The following CNTNAP2 variants were observed in gnomAD, a reference collection of about 807,000 sequenced individuals.
CNTNAP2 encodes the protein contactin-associated protein-like 2.
In CNTNAP2, 98 loss-of-function variants were observed where a neutral mutation model predicts 155.2. The observed-to-expected ratio is 0.63, with a 90% CI of 0.54 to 0.75. CNTNAP2 has a LOEUF of 0.75. Ranked by LOEUF, CNTNAP2 falls within the 30% of genes least tolerant of loss-of-function variation. The probability of loss-of-function intolerance (pLI) is 0.00; values close to 1 mark genes in which losing one functional copy is unlikely to be tolerated. For synonymous variants in CNTNAP2, 651 were observed against 631.2 expected (o/e 1.03, Z -0.47); for missense variants, 1,727 against 1,688.1 (o/e 1.02, Z -0.40).
intron 17 of CNTNAP2, among the ~76,000 whole-genome samples, chr7:148,163,659 G>A (rs1211667420): frequency 6.6e-6 from 1 of 152,118 alleles, no homozygotes; most frequent in Non-Finnish European, 1.5e-5. Flanking sequence ...TTATGAATGA[G>A]CACTCATGAG....
At position 148,338,110 on chromosome 7, in the gene CNTNAP2, CCT is replaced by C. The variant is rs113596489; in HGVS notation, c.3476-45538_3476-45537del. Among the ~76,000 whole-genome samples the C allele has an allele frequency of 4.6e-3, 695 of 152,214 alleles. 10 individuals are homozygous for C. Among genetic ancestry groups the C allele is most frequent in the African/African-American group, 0.016 (656 of 41,516 alleles). On this transcript the variant is annotated intron_variant, in intron 21 of 23. Transcript: ENST00000361727. ...TCCCCCTCATCCTGTACTTCCAGCC[CCT>C]GAGAGCCACTTATCTGATTTCTGTC...
intron 3 of CNTNAP2, among the ~76,000 whole-genome samples, chr7:147,020,330 T>C (rs991224839): frequency 1.3e-5 from 2 of 152,200 alleles, no homozygotes; most frequent in Non-Finnish European, 2.9e-5. Flanking sequence ...GGATTTTGAA[T>C]GCCTAATTAG....
chr7:147,002,408 A>G (rs937971258), intron 3 of CNTNAP2, among the ~76,000 whole-genome samples: 7 of 152,086 alleles, frequency 4.6e-5, no homozygotes, highest in African/African-American at 1.7e-4. Flanking sequence ...AAGCTAGAAG[A>G]TAATCCAGTT....
At chr7:146,301,867 T>G (rs1375948332) in intron 1 of CNTNAP2, among the ~76,000 whole-genome samples, 24 of 152,148 alleles carry the variant, frequency 1.6e-4, no homozygotes. Flanking sequence ...AGGTTGATGG[T>G]AAACCTCTTG....
rs187179626 is a variant in CNTNAP2 at position 147,714,964 on chromosome 7, C to A, written c.2098+75658C>A. Among the ~76,000 whole-genome samples the A allele has an allele frequency of 1.5e-4, 23 of 152,064 alleles. No individual in the cohort carries two copies. The East Asian group carries it at 4.3e-3, about 28-fold the overall frequency. The stretch of plus-strand genomic sequence containing the variant: ...ATGTATTCTTTTAAGATTTTTTTCA[C>A]CCAGCAAATTTTTTTGAGGTTCACG... On this transcript the variant is annotated intron_variant, in intron 13 of 23. Coordinates refer to ENST00000361727, the MANE Select transcript of CNTNAP2 (RefSeq NM_014141.6).
At chr7:147,101,472 G>A (rs1800651020) in intron 4 of CNTNAP2, among the ~76,000 whole-genome samples, 2 of 152,100 alleles carry the variant, frequency 1.3e-5, no homozygotes, top group Admixed American at 6.5e-5. Context: ...TGCCATCTGT[G>A]GATGGTTAAG....
In CNTNAP2 at chr7:148,402,999, A is replaced by G. The variant is rs1422441091; in HGVS notation, c.3716-6392A>G. On this transcript the variant is annotated intron_variant, in intron 22 of 23. Transcript: ENST00000361727. ...TTTTGAAACTTAGTAAATAAGAACC[A>G]CAACCACCAAATTTATCTTCTGTAG... Among the ~76,000 whole-genome samples, 10 of 150,220 alleles carry G rather than the reference A, an allele frequency of 6.7e-5. No individual in the cohort carries two copies. In the East Asian group the frequency reaches 1.9e-3, roughly 29 times the overall value.
intron 1 of CNTNAP2, among the ~76,000 whole-genome samples, chr7:146,159,781 A>T (rs1400523387): frequency 6.6e-6 from 1 of 152,152 alleles, no homozygotes; most frequent in Non-Finnish European, 1.5e-5. Context: ...ACTCCCACAC[A>T]ATAATTATGG....
chr7:146,721,456 A>ATAT (rs1378749097), intron 1 of CNTNAP2, among the ~76,000 whole-genome samples: 4 of 127,240 alleles, frequency 3.1e-5, no homozygotes, highest in African/African-American at 1.3e-4. Flanking sequence ...CATTCTATAT[A>ATAT]CATTTTATAT....
chr7:146,268,251 T>C (rs757642787), intron 1 of CNTNAP2, among the ~76,000 whole-genome samples: 3 of 152,178 alleles, frequency 2.0e-5, no homozygotes, highest in Non-Finnish European at 4.4e-5. Flanking sequence ...GTCTGTGGTG[T>C]TTATCGTAGT....
At chr7:147,279,183 A>G (rs1804971913) in intron 8 of CNTNAP2, among the ~76,000 whole-genome samples, 2 of 151,660 alleles carry the variant, frequency 1.3e-5, no homozygotes, top group Non-Finnish European at 3.0e-5. Flanking sequence ...ATAATGCACT[A>G]AAATTTTCTG....
rs1196910226 is a variant in CNTNAP2, at chr7:146,731,126, A to G, written c.98-43145A>G. Among the ~76,000 whole-genome samples the G allele has an allele frequency of 2.0e-5, 3 of 152,308 alleles. No individual in the cohort carries two copies. The East Asian group carries it at 5.8e-4, about 29-fold the overall frequency. ...ATGATGTACCAAAAGTCAAATCACT[A>G]GTGAATGGCAACTGAGACTGAAATC... On this transcript the variant is annotated intron_variant, in intron 1 of 23. Coordinates refer to ENST00000361727, the MANE Select transcript of CNTNAP2 (RefSeq NM_014141.6).
At chr7:148,369,211 T>C (rs200987679) in intron 21 of CNTNAP2, among the ~76,000 whole-genome samples, 45 of 94,162 alleles carry the variant, frequency 4.8e-4, no homozygotes, top group East Asian at 2.3e-3. Flanking sequence ...TTTTTTTTTT[T>C]GTCTTTTGTG....
chr7:146,524,664 T>G (rs1797662022), intron 1 of CNTNAP2, among the ~76,000 whole-genome samples: 1 of 152,110 alleles, frequency 6.6e-6, no homozygotes, highest in South Asian at 2.1e-4. Flanking sequence ...AGCAGAGAGC[T>G]CAGGGTGTCA....
intron 13 of CNTNAP2, among the ~76,000 whole-genome samples, chr7:147,646,611 C>T (rs1795368393): frequency 6.6e-6 from 1 of 152,120 alleles, no homozygotes; most frequent in Non-Finnish European, 1.5e-5. Context: ...CATGCAAAGC[C>T]TCCTGTATTG....
At position 148,112,069 on chromosome 7, in the gene CNTNAP2, G is replaced by A. The variant is rs531694940; in HGVS notation, c.2384-6049G>A. ...CCCGTCCAGGTGGGAACAGAGGAAA[G>A]AGAGCCATAGAAGATGCCTCCAGGG... is the stretch of plus-strand genomic sequence containing the variant. On this transcript the variant is annotated intron_variant, in intron 15 of 23. Transcript: ENST00000361727. Among the ~76,000 whole-genome samples, 368 of 152,302 alleles carry A rather than the reference G, an allele frequency of 2.4e-3. 2 individuals are homozygous for A. The highest frequency in any genetic ancestry group is 8.4e-3 in the African/African-American group (351 of 41,560).
At chr7:146,799,498 C>T (rs998815789) in intron 2 of CNTNAP2, among the ~76,000 whole-genome samples, 1 of 152,144 alleles carries the variant, frequency 6.6e-6, no homozygotes, top group Non-Finnish European at 1.5e-5. Flanking sequence ...AGTTTAGTAT[C>T]TTCTGAATTA....
Position 148,331,743 on chromosome 7 carries a change from GGATGGAACGGAC to G in CNTNAP2, c.3476-51904_3476-51893del, listed in dbSNP as rs1798025754. 1.3e-5 allele frequency among the ~76,000 whole-genome samples: 2 copies of G among 149,784 alleles called. 1 individual carries two copies. The highest frequency in any genetic ancestry group is 5.0e-5 in the African/African-American group (2 of 40,324). ...GATGGATTGGATGGATGGAGTGGATGGATGGAACGGACGGATGGATTGGATGGATGGAATGGA... is the reference window on the plus strand; with the variant it reads ...GATGGATTGGATGGATGGAGTGGATGGGATGGATTGGATGGATGGAATGGA... On this transcript the variant is annotated intron_variant, in intron 21 of 23. Coordinates refer to ENST00000361727, the MANE Select transcript of CNTNAP2 (RefSeq NM_014141.6).
intron 21 of CNTNAP2, among the ~76,000 whole-genome samples, chr7:148,351,890 T>C (rs1427472029): frequency 1.3e-5 from 2 of 152,180 alleles, no homozygotes; most frequent in East Asian, 3.8e-4. Context: ...TCTGCTGTGC[T>C]ACAATCTGGC....
Sources: allele counts gnomAD v4.1 joint callset (sites outside exome capture counted in the v4.1 genomes callset), GRCh38; gene constraint gnomAD v4.1.1; transcripts MANE v1.5; gene names NCBI Gene and HGNC (gene_info 2026-07-23, HGNC 2026-07-21).